Variants in ZNF532 observed in about 807,000 individuals in gnomAD.
The protein encoded by ZNF532 is zinc finger protein 532.
ZNF532 carries 22 observed loss-of-function variants against 89.3 expected under a neutral mutation model. That is an observed-to-expected ratio of 0.25 (90% CI 0.18 to 0.35). ZNF532 has a LOEUF of 0.35. Ranked by LOEUF, ZNF532 falls within the 10% of genes least tolerant of loss-of-function variation. ZNF532 has a pLI of 1.00. For synonymous variants in ZNF532, 606 were observed against 649.6 expected (o/e 0.93, Z 1.02); for missense variants, 1,132 against 1,643.4 (o/e 0.69, Z 5.38).
At chr18:58,900,178 G>C (rs759396963) in intron 2 of ZNF532, among the ~76,000 whole-genome samples, 20 of 152,188 alleles carry the variant, frequency 1.3e-4, no homozygotes, top group Non-Finnish European at 2.8e-4. Flanking sequence ...TGTCCTCCAG[G>C]GGCTTCTCTG....
intron 3 of ZNF532, among the ~76,000 whole-genome samples, chr18:58,924,153 C>T (rs1195294724): frequency 1.3e-5 from 2 of 152,214 alleles, no homozygotes. Flanking sequence ...CACCCCCGCC[C>T]GGCTAGCATT....
chr18:58,947,427 A>G (rs2063760626), intron 5 of ZNF532, among the ~76,000 whole-genome samples: 2 of 152,262 alleles, frequency 1.3e-5, no homozygotes, highest in African/African-American at 4.8e-5. Flanking sequence ...AATAGTTTGT[A>G]GGAGACAAGT....
chr18:58,982,311 T>C (rs1251831477), intron 9 of ZNF532, among the ~76,000 whole-genome samples: 2 of 151,792 alleles, frequency 1.3e-5, no homozygotes, highest in African/African-American at 4.8e-5. Flanking sequence ...TTTGTTTTTT[T>C]GAGAGAAAAG....
At chr18:58,884,249 C>T (rs571707855) in intron 2 of ZNF532, among the ~76,000 whole-genome samples, 29 of 152,266 alleles carry the variant, frequency 1.9e-4, no homozygotes, top group Non-Finnish European at 2.9e-4. Context: ...GTGCGCTGGG[C>T]GCGCTCCTGT....
intron 2 of ZNF532, among the ~76,000 whole-genome samples, chr18:58,876,842 T>A (rs2057468639): frequency 6.6e-6 from 1 of 152,028 alleles, no homozygotes; most frequent in Non-Finnish European, 1.5e-5. Context: ...GGTGGGAAGA[T>A]CACTTGAGGC....
chr18:58,954,790 G>T lies in ZNF532; in HGVS notation c.3150+991G>T, dbSNP rs531857147. On this transcript the variant is annotated intron_variant, in intron 7 of 9. Transcript: ENST00000591808. ...TGCAGTGGCATGATCTCGGCTTGCT[G>T]CAATCTCTACCTCCTGGGTTCAAGC... is the stretch of plus-strand genomic sequence containing the variant. Among the ~76,000 whole-genome samples, 3 of 147,174 alleles carry T rather than the reference G, an allele frequency of 2.0e-5. No individual in the cohort carries two copies. The East Asian group carries it at 6.0e-4, about 29-fold the overall frequency.
chr18:58,981,358 A>G lies in ZNF532; in HGVS notation c.3264-112A>G, dbSNP rs1452420101. The G allele has an allele frequency of 5.7e-6, 8 of 1,397,440 alleles. No homozygotes were observed. In the East Asian group the frequency reaches 1.1e-4, roughly 20 times the overall value. The allele number at this position is 1,397,440 out of a possible 1,614,324, so 86.6% of individuals were successfully genotyped here. On this transcript the variant is annotated intron_variant, in intron 8 of 9. Transcript: ENST00000591808. ...TTGAACCATGGTGTGAACTCAGCTT[A>G]TTGGACCTGTCTGTGTGAACTGACG...
At chr18:58,933,374 G>A (rs930209099) in intron 3 of ZNF532, among the ~76,000 whole-genome samples, 12 of 151,934 alleles carry the variant, frequency 7.9e-5, no homozygotes, top group African/African-American at 2.9e-4. Flanking sequence ...ATTTTTGGGC[G>A]TGCTTCAAAA....
intron 2 of ZNF532, among the ~76,000 whole-genome samples, chr18:58,890,072 C>G (rs2058774222): frequency 6.6e-6 from 1 of 150,680 alleles, no homozygotes; most frequent in African/African-American, 2.4e-5. Context: ...GATGGTGAGA[C>G]TGTGTTTAAA....
At chr18:58,883,238 T>A (rs1224357688) in intron 2 of ZNF532, among the ~76,000 whole-genome samples, 1 of 152,232 alleles carries the variant, frequency 6.6e-6, no homozygotes, top group African/African-American at 2.4e-5. Context: ...TTAAATGAAT[T>A]GATTTTTAAA....
At chr18:58,979,346 TA>T (rs201696846) in intron 8 of ZNF532, 179 bp downstream of exon 8, 2,062 of 343,910 alleles carry the variant, frequency 6.0e-3, no homozygotes, top group African/African-American at 8.7e-3. Context: ...AATATGAAAA[TA>T]AAAAAAAAAG....
At position 58,876,008 on chromosome 18, in the gene ZNF532, C is replaced by CTGCAA. The variant is rs2057396666; in HGVS notation, c.-18+10430_-18+10434dup. Among the ~76,000 whole-genome samples, 3 of 149,808 alleles carry CTGCAA rather than the reference C, an allele frequency of 2.0e-5. No individual in the cohort carries two copies. The South Asian group carries it at 6.4e-4, about 32-fold the overall frequency. ...AGTGCAGTGGCGCGATCTCGACTCACTGCAAGCTCTGCCTCCCGGGTTCAT... is the reference window on the plus strand; with the variant it reads ...AGTGCAGTGGCGCGATCTCGACTCACTGCAATGCAAGCTCTGCCTCCCGGGTTCAT... On this transcript the variant is annotated intron_variant, in intron 2 of 9. Coordinates refer to ENST00000591808, the MANE Select transcript of ZNF532 (RefSeq NM_001375912.1).
intron 4 of ZNF532, 80 bp downstream of exon 4, chr18:58,934,694 AGTTTTCTG>A (rs1405595231): frequency 2.9e-5 from 41 of 1,408,248 alleles, no homozygotes; most frequent in Non-Finnish European, 4.0e-5. Flanking sequence ...TTGCACACAC[AGTTTTCTG>A]GGTCATACGG....
intron 2 of ZNF532, among the ~76,000 whole-genome samples, chr18:58,871,281 A>G (rs115753933): frequency 0.015 from 2,355 of 152,230 alleles, 58 homozygotes; most frequent in African/African-American, 0.054. Context: ...TGTTGCCCAG[A>G]CTGGACTCAA....
chr18:58,924,537 C>A (rs745645241), intron 3 of ZNF532, among the ~76,000 whole-genome samples: 17 of 152,210 alleles, frequency 1.1e-4, no homozygotes, highest in African/African-American at 4.1e-4. Flanking sequence ...TTTACTGGGT[C>A]TGGAGAAAGG....
intron 8 of ZNF532, 51 bp downstream of exon 8, chr18:58,979,218 C>T (rs556839241): frequency 2.0e-6 from 3 of 1,495,880 alleles, no homozygotes; most frequent in African/African-American, 2.8e-5. Flanking sequence ...GGAGGAACCT[C>T]TGGAAGGTTT....
At chr18:58,880,284 ACT>A (rs536021314) in intron 2 of ZNF532, among the ~76,000 whole-genome samples, 131 of 152,192 alleles carry the variant, frequency 8.6e-4, no homozygotes, top group Non-Finnish European at 1.3e-3. Context: ...AGCTAGGGAA[ACT>A]CTGTTTATTT....
chr18:58,888,048 A>G (rs1432008981), intron 2 of ZNF532, among the ~76,000 whole-genome samples: 3 of 152,212 alleles, frequency 2.0e-5, no homozygotes, highest in Non-Finnish European at 2.9e-5. Flanking sequence ...GCAGAACTTC[A>G]TATCTTTAAG....
intron 4 of ZNF532, among the ~76,000 whole-genome samples, chr18:58,938,511 C>T (rs1486396594): frequency 6.6e-6 from 1 of 152,218 alleles, no homozygotes; most frequent in Admixed American, 6.5e-5. Flanking sequence ...TTTAGAGATG[C>T]TGAATTTTCA....
Sources: allele counts gnomAD v4.1 joint callset (sites outside exome capture counted in the v4.1 genomes callset), GRCh38; gene constraint gnomAD v4.1.1; transcripts MANE v1.5; gene names NCBI Gene and HGNC (gene_info 2026-07-23, HGNC 2026-07-21).